The following FXYD4 variants were observed in gnomAD, a reference collection of about 807,000 sequenced individuals.
The protein encoded by FXYD4 is FXYD domain-containing ion transport regulator 4.
In FXYD4, 14 loss-of-function variants were observed where a neutral mutation model predicts 18.3. That is an observed-to-expected ratio of 0.77 (90% CI 0.51 to 1.20). FXYD4 has a LOEUF of 1.20. Among genes scored for constraint, FXYD4 ranks in the 50% most tolerant of loss-of-function variants. The pLI, the probability that FXYD4 is intolerant of heterozygous loss-of-function variation, is 0.00. For missense variants in FXYD4, 99 were observed against 106.1 expected (o/e 0.93, Z 0.29); for synonymous variants, 40 against 40.5 (o/e 0.99, Z 0.04).
chr10:43,373,758 G>A lies in FXYD4; in HGVS notation c.12G>A (p.Val4=), dbSNP rs1282091300. 3 of 1,609,612 alleles carry A rather than the reference G, an allele frequency of 1.9e-6. No homozygotes were observed. Among genetic ancestry groups the A allele is most frequent in the Middle Eastern group, 1.7e-4 (1 of 6,052 alleles). ...CCTCGAACTGTGACATGGAGAGAGT[G>A]ACCCTGGCCCTTCTCCTACTGGCAG... MER[V]TLALLLLAGL... Residue 4 remains valine (V), a synonymous_variant, in exon 3 of 9, where the codon GTG becomes GTA. Transcript: ENST00000476166.
At chr10:43,373,881 TC>T (rs1161660500) in intron 3 of FXYD4, 98 bp downstream of exon 3, 1 of 829,036 alleles carries the variant, frequency 1.2e-6, no homozygotes, top group African/African-American at 1.7e-5. Flanking sequence ...TGGTGTTCAA[TC>T]AGCATGCTTT....
intron 5 of FXYD4, among the ~76,000 whole-genome samples, chr10:43,374,904 C>T (rs74326894): frequency 6.6e-6 from 1 of 152,050 alleles, no homozygotes; most frequent in Non-Finnish European, 1.5e-5. Context: ...CTCACCCTCC[C>T]TTTCCCTAGT....
chr10:43,375,960 AAG>A lies in FXYD4; in HGVS notation c.213-69_213-68del, dbSNP rs1034658754. On this transcript the variant is annotated intron_variant, in intron 7 of 8. Coordinates refer to ENST00000476166, the MANE Select transcript of FXYD4 (RefSeq NM_173160.3). ...ACTTGCACTCCTGGGGCCGGGCAGC[AAG>A]AGTCTGGGATATAGGGGAGAAGGTC... is the stretch of plus-strand genomic sequence containing the variant. 170 of 1,521,992 alleles carry A rather than the reference AAG, an allele frequency of 1.1e-4. No individual in the cohort carries two copies. The African/African-American group carries it at 2.2e-3, about 20-fold the overall frequency. 94.3% of individuals were successfully genotyped at this position (1,521,992 alleles called of 1,614,324 possible). A position where few individuals can be genotyped will look rare whatever the true frequency, so the allele number is the denominator to read the frequency against.
chr10:43,373,737 G>A lies in FXYD4; in HGVS notation c.-10G>A, dbSNP rs753631528. The stretch of plus-strand genomic sequence containing the variant: ...CTCTCCCCCTGCAGCCCTGCCCCTC[G>A]AACTGTGACATGGAGAGAGTGACCC... On this transcript the variant is annotated 5_prime_UTR_variant, in exon 3 of 9. Transcript: ENST00000476166. The A allele has an allele frequency of 2.0e-5, 32 of 1,599,464 alleles. No individual in the cohort carries two copies. In the African/African-American group the frequency reaches 2.3e-4, roughly 11 times the overall value.
rs149900671 is a variant in FXYD4 at position 43,374,519 on chromosome 10, A to G, written c.70+17A>G. ...ACCCATTTGGTGAGTGAGGCCCCCA[A>G]ACAGCCTGCCCACTCTGCCCACATC... On this transcript the variant is annotated intron_variant, in intron 4 of 8. Transcript: ENST00000476166. 3.5e-4 allele frequency: 570 copies of G among 1,613,824 alleles called. 2 individuals carry two copies. In the African/African-American group the frequency reaches 5.3e-3, roughly 15 times the overall value.
At chr10:43,374,401 C>A in intron 3 of FXYD4, 69 bp from the exon 4 acceptor site, 5 of 1,503,962 alleles carry the variant, frequency 3.3e-6, no homozygotes, top group Non-Finnish European at 3.7e-6. Flanking sequence ...GGCTGGGGTC[C>A]TGCTGTCTGG....
chr10:43,373,464 ACAGTTTTGAGCTCTTAGCTTGTGCT>A, intron 2 of FXYD4, 26 bp from the exon 3 acceptor site: 1 of 524,794 alleles, frequency 1.9e-6, no homozygotes, highest in Non-Finnish European at 3.4e-6. Context: ...CTGTGCAGGC[ACAGTTTTGAGCTCTTAGCTTGTGCT>A]TACTCAATCC....
rs1239423938 is a variant in FXYD4 at position 43,375,749 on chromosome 10, A to G, written c.212+15A>G. 14 of 1,613,360 alleles carry G rather than the reference A, an allele frequency of 8.7e-6. No individual in the cohort carries two copies. Among genetic ancestry groups the G allele is most frequent in the Admixed American group, 1.7e-5 (1 of 59,992 alleles). On this transcript the variant is annotated intron_variant, in intron 7 of 8. Transcript: ENST00000476166. ...AAGCAGCACAGGTGAGCCTGACCCT[A>G]TGGTGCCCTCCTCCTTCGGGGCAGA...
intron 3 of FXYD4, 83 bp downstream of exon 3, chr10:43,373,866 G>A: frequency 2.2e-6 from 2 of 900,222 alleles, no homozygotes; most frequent in Non-Finnish European, 3.8e-6. Context: ...TCTCCTTTGG[G>A]AGTCTGGTGT....
chr10:43,372,435 T>C (rs1051997598), intron 1 of FXYD4, among the ~76,000 whole-genome samples: 16 of 152,072 alleles, frequency 1.1e-4, no homozygotes, highest in African/African-American at 3.9e-4. Flanking sequence ...CAGGCGCCTG[T>C]CACCACACTC....
intron 4 of FXYD4, 44 bp downstream of exon 4, chr10:43,374,546 C>T: frequency 6.2e-7 from 1 of 1,612,000 alleles, no homozygotes; most frequent in Non-Finnish European, 8.5e-7. Flanking sequence ...GCCCACATCT[C>T]CCCTCTGACA....
In FXYD4 at chr10:43,375,733, A is replaced by AG. The variant is rs776316464; in HGVS notation, c.212+1dup. 3 of 1,614,016 alleles carry AG rather than the reference A, an allele frequency of 1.9e-6. No individual in the cohort carries two copies. Among genetic ancestry groups the AG allele is most frequent in the African/African-American group, 1.3e-5 (1 of 74,938 alleles). On this transcript the variant is annotated frameshift_variant and splice_region_variant, in exon 7 of 9. Coordinates refer to ENST00000476166, the MANE Select transcript of FXYD4 (RefSeq NM_173160.3). LOFTEE classifies it high-confidence loss of function. ...ATGCAAGAGCAGCCAGAAGCAGCAC[A>AG]GGTGAGCCTGACCCTATGGTGCCCT...
intron 4 of FXYD4, 55 bp from the exon 5 acceptor site, chr10:43,374,558 C>G: frequency 2.5e-6 from 4 of 1,611,474 alleles, no homozygotes; most frequent in Admixed American, 1.7e-5. Flanking sequence ...CCTCTGACAC[C>G]CACATCCTGT....
Position 43,376,193 on chromosome 10 carries a change from C to G in FXYD4, c.*27C>G, listed in dbSNP as rs1837869747. 1 of 1,612,542 alleles carries G rather than the reference C, an allele frequency of 6.2e-7. No individual in the cohort carries two copies. The highest frequency in any genetic ancestry group is 8.5e-7 in the Non-Finnish European group (1 of 1,179,608). Reference sequence around the variant, plus strand: ...CACAGGACTGGCCTCCAGGGATGGCCTGAAGCCTAACACTGGCCCCCAGCA... The same window carrying G: ...CACAGGACTGGCCTCCAGGGATGGCGTGAAGCCTAACACTGGCCCCCAGCA... On this transcript the variant is annotated 3_prime_UTR_variant, in exon 9 of 9. Transcript: ENST00000476166.
intron 1 of FXYD4, among the ~76,000 whole-genome samples, chr10:43,371,900 A>G (rs751889121): frequency 2.0e-5 from 3 of 151,788 alleles, no homozygotes; most frequent in African/African-American, 4.8e-5. Flanking sequence ...TAAAGAATAT[A>G]TGAGCTGGTG....
Position 43,375,480 on chromosome 10 carries a change from C to G in FXYD4, c.98-19C>G, listed in dbSNP as rs762848271. Reference sequence around the variant, plus strand: ...GAGGCCCCAGGCTGGTGCAAGCTCACTCTCTGTACCCACCCCAGACTGGAA... The same window carrying G: ...GAGGCCCCAGGCTGGTGCAAGCTCAGTCTCTGTACCCACCCCAGACTGGAA... On this transcript the variant is annotated intron_variant, in intron 5 of 8. Coordinates refer to ENST00000476166, the MANE Select transcript of FXYD4 (RefSeq NM_173160.3). The G allele has an allele frequency of 4.5e-5, 72 of 1,606,520 alleles. No homozygotes were observed. The highest frequency in any genetic ancestry group is 5.5e-5 in the Non-Finnish European group (64 of 1,173,250).
At chr10:43,375,453 C>A (rs1457451661) in intron 5 of FXYD4, 46 bp from the exon 6 acceptor site, 3 of 1,450,902 alleles carry the variant, frequency 2.1e-6, no homozygotes, top group Non-Finnish European at 2.9e-6. Flanking sequence ...GAATGAATGA[C>A]TGAGGCCCCA....
chr10:43,373,317 A>G (rs758117542), intron 2 of FXYD4, 198 bp from the exon 3 acceptor site: 1 of 166,070 alleles, frequency 6.0e-6, no homozygotes, highest in Non-Finnish European at 1.3e-5. Context: ...GACCCTGGGC[A>G]TCTGATTACA....
chr10:43,375,617 G>T (rs1837861252), intron 6 of FXYD4, 44 bp downstream of exon 6: 2 of 1,607,204 alleles, frequency 1.2e-6, no homozygotes, highest in East Asian at 2.2e-5. Context: ...GGTGGGGCTG[G>T]CGGACAGGGT....
Sources: gnomAD v4.1 joint callset for allele counts (sites outside exome capture counted in the v4.1 genomes callset) on GRCh38, gnomAD v4.1.1 for gene constraint, MANE v1.5 for transcripts, NCBI Gene and HGNC (gene_info 2026-07-23, HGNC 2026-07-21) for gene names.